The following DENND4C variants were observed in gnomAD, a reference collection of about 807,000 sequenced individuals.
DENND4C encodes DENN domain containing 4C.
Under a neutral mutation model 203.0 loss-of-function variants are expected in DENND4C, and 108 were observed. The ratio of observed to expected loss-of-function variants is 0.53; its 90% CI spans 0.46 to 0.62. The LOEUF (loss-of-function observed/expected upper bound fraction) is 0.62, where lower values mean the gene tolerates loss of function less well. DENND4C is among the 20% of genes least tolerant of loss of function. The pLI is 0.00. For synonymous variants in DENND4C, 871 were observed against 792.4 expected (o/e 1.10, Z -1.67); for missense variants, 2,481 against 2,301.2 (o/e 1.08, Z -1.60).
At chr9:19,357,876 C>G in intron 27 of DENND4C, 89 bp from the exon 28 acceptor site, 1 of 1,043,734 alleles carries the variant, frequency 9.6e-7, no homozygotes, top group East Asian at 2.6e-5. Context: ...TTAGTAGACT[C>G]AAGGTCCATT....
chr9:19,369,452 G>T (rs778092817), intron 30 of DENND4C, among the ~76,000 whole-genome samples: 6 of 152,132 alleles, frequency 3.9e-5, no homozygotes, highest in Admixed American at 6.5e-5. Flanking sequence ...AGGAGAAAAT[G>T]CGACAACTCT....
chr9:19,301,192 AG>A (rs1236953083), intron 9 of DENND4C, among the ~76,000 whole-genome samples: 1 of 151,788 alleles, frequency 6.6e-6, no homozygotes, highest in Non-Finnish European at 1.5e-5. Flanking sequence ...AAAAAAAAAA[AG>A]ACTGAAGAAT....
chr9:19,284,872 G>A (rs1204400945), intron 2 of DENND4C, among the ~76,000 whole-genome samples: 1 of 151,914 alleles, frequency 6.6e-6, no homozygotes, highest in Non-Finnish European at 1.5e-5. Context: ...TATGGTGTTC[G>A]TTGTCATGTA....
intron 15 of DENND4C, among the ~76,000 whole-genome samples, chr9:19,326,844 C>T (rs572869606): frequency 6.6e-6 from 1 of 152,162 alleles, no homozygotes; most frequent in Admixed American, 6.5e-5. Flanking sequence ...TGAACATTTT[C>T]CCATGCCATT....
At chr9:19,322,170 A>G (rs914412832) in intron 12 of DENND4C, among the ~76,000 whole-genome samples, 1 of 152,166 alleles carries the variant, frequency 6.6e-6, no homozygotes, top group Non-Finnish European at 1.5e-5. Context: ...AATTAAATTG[A>G]TTCCAGAAAT....
At chr9:19,287,279 C>A (rs1027380962) in intron 3 of DENND4C, among the ~76,000 whole-genome samples, 42 of 152,242 alleles carry the variant, frequency 2.8e-4, no homozygotes, top group South Asian at 8.3e-4. Context: ...AGGTTTTATT[C>A]ACTTTTGGAT....
intron 1 of DENND4C, among the ~76,000 whole-genome samples, chr9:19,234,262 G>A (rs1024739490): frequency 3.3e-5 from 5 of 150,966 alleles, no homozygotes; most frequent in East Asian, 1.9e-4. Context: ...ACCGAGTCTC[G>A]CTCTGTTGCC....
chr9:19,370,619 A>T (rs1589003421), intron 31 of DENND4C, among the ~76,000 whole-genome samples: 1 of 152,310 alleles, frequency 6.6e-6, no homozygotes, highest in East Asian at 1.9e-4. Flanking sequence ...TGTGATACCC[A>T]CACATCTTTT....
intron 30 of DENND4C, among the ~76,000 whole-genome samples, chr9:19,366,830 A>G (rs1213802817): frequency 3.3e-5 from 5 of 152,308 alleles, no homozygotes; most frequent in South Asian, 4.1e-4. Flanking sequence ...CAAAAGCACA[A>G]TCAACAAAAG....
chr9:19,296,760 T>C (rs1247747500), intron 6 of DENND4C, among the ~76,000 whole-genome samples: 1 of 152,234 alleles, frequency 6.6e-6, no homozygotes, highest in African/African-American at 2.4e-5. Flanking sequence ...GAAGTAACTC[T>C]TATAAATTAT....
intron 1 of DENND4C, among the ~76,000 whole-genome samples, chr9:19,247,367 C>T (rs1825548169): frequency 6.6e-6 from 1 of 152,194 alleles, no homozygotes; most frequent in African/African-American, 2.4e-5. Flanking sequence ...CATGCCTTGA[C>T]ATCTTCATTG....
chr9:19,328,689 A>G (rs942417509), intron 16 of DENND4C, among the ~76,000 whole-genome samples: 4 of 150,910 alleles, frequency 2.7e-5, no homozygotes, highest in Admixed American at 2.0e-4. Flanking sequence ...CTATCTATCT[A>G]TCTATCTGTC....
chr9:19,318,965 T>C (rs1164646926), intron 12 of DENND4C, among the ~76,000 whole-genome samples: 1 of 152,078 alleles, frequency 6.6e-6, no homozygotes, highest in East Asian at 1.9e-4. Context: ...GGTCAGGAGT[T>C]TGAGACCAGT....
At chr9:19,253,227 G>T (rs1827089929) in intron 1 of DENND4C, among the ~76,000 whole-genome samples, 1 of 152,226 alleles carries the variant, frequency 6.6e-6, no homozygotes, top group Non-Finnish European at 1.5e-5. Context: ...TAGAAAGGAA[G>T]CTCTGATTTT....
intron 28 of DENND4C, among the ~76,000 whole-genome samples, chr9:19,359,279 C>T (rs755760533): frequency 6.6e-6 from 1 of 151,696 alleles, no homozygotes; most frequent in Admixed American, 6.6e-5. Context: ...GGGGATCTTG[C>T]TTTGTTGCCC....
rs1041415976 is a variant in DENND4C, at chr9:19,357,294, G to A, written c.4964+140G>A. 10 of 706,318 alleles carry A rather than the reference G, an allele frequency of 1.4e-5. No individual in the cohort carries two copies. In the African/African-American group the frequency reaches 1.8e-4, roughly 13 times the overall value. 43.8% of individuals were successfully genotyped at this position (706,318 alleles called of 1,614,324 possible). ...ACATCTTAACTTATTACCACATAGT[G>A]TTTAACGAGCTAATGAATGAATCTG... On this transcript the variant is annotated intron_variant, in intron 27 of 32. Transcript: ENST00000434457.
chr9:19,353,609 C>CAG (rs963252457), intron 26 of DENND4C, among the ~76,000 whole-genome samples: 32 of 151,320 alleles, frequency 2.1e-4, no homozygotes, highest in African/African-American at 7.5e-4. Flanking sequence ...GTCTGGGTGA[C>CAG]AGAGAGAGAC....
chr9:19,349,347 G>A (rs1317416772), intron 23 of DENND4C, among the ~76,000 whole-genome samples: 3 of 152,158 alleles, frequency 2.0e-5, no homozygotes, highest in South Asian at 2.1e-4. Context: ...GGCAGAGGTC[G>A]CAGTGAGCCG....
intron 27 of DENND4C, 56 bp from the exon 28 acceptor site, chr9:19,357,909 A>T: frequency 7.3e-7 from 1 of 1,372,862 alleles, no homozygotes; most frequent in Non-Finnish European, 9.8e-7. Context: ...CTAGCTCTAC[A>T]GATTTAGACT....
Sources: allele counts gnomAD v4.1 joint callset (sites outside exome capture counted in the v4.1 genomes callset), GRCh38; gene constraint gnomAD v4.1.1; transcripts MANE v1.5; gene names NCBI Gene and HGNC (gene_info 2026-07-23, HGNC 2026-07-21).